The following MAD1L1 variants were observed in gnomAD, a reference collection of about 807,000 sequenced individuals.
MAD1L1 encodes the protein mitotic arrest deficient 1 like 1.
A neutral mutation model predicts 96.9 loss-of-function variants in MAD1L1; 95 were observed. The ratio of observed to expected loss-of-function variants is 0.98; its 90% CI spans 0.83 to 1.16. MAD1L1 has a LOEUF of 1.16. Among genes scored for constraint, MAD1L1 ranks in the 50% most tolerant of loss-of-function variants. The pLI is 0.00. For missense variants in MAD1L1, 1,007 were observed against 954.4 expected, an observed-to-expected ratio of 1.06 and a Z score of -0.73; for synonymous variants, 473 against 396.6, an observed-to-expected ratio of 1.19 and a Z score of -2.29.
At chr7:1,921,083 G>A (rs1788763160) in intron 17 of MAD1L1, among the ~76,000 whole-genome samples, 1 of 152,156 alleles carries the variant, frequency 6.6e-6, no homozygotes, top group Admixed American at 6.5e-5. Context: ...CTGCCCAGCA[G>A]ATGGCAGCCC....
In MAD1L1 at chr7:1,907,294, G is replaced by A. The variant is rs375273745; in HGVS notation, c.1808-8904C>T. On this transcript the variant is annotated intron_variant, in intron 17 of 18. Coordinates refer to ENST00000265854, the MANE Select transcript of MAD1L1 (RefSeq NM_001013836.2). ...GTCTGGGCCCTGCACAGCTGCCACC[G>A]AGGACCCCAAGCCCCAGACTCTGCA... 4.9e-4 allele frequency among the ~76,000 whole-genome samples: 75 copies of A among 152,290 alleles called. 1 individual carries two copies. In the East Asian group the frequency reaches 8.3e-3, roughly 17 times the overall value.
At chr7:2,098,715 C>T (rs748353968) in intron 11 of MAD1L1, among the ~76,000 whole-genome samples, 13 of 152,178 alleles carry the variant, frequency 8.5e-5, no homozygotes, top group Admixed American at 1.3e-4. Flanking sequence ...AGGGAGCGCA[C>T]TACCACACCC....
At chr7:2,126,220 C>G (rs1443605558) in intron 11 of MAD1L1, among the ~76,000 whole-genome samples, 1 of 152,242 alleles carries the variant, frequency 6.6e-6, no homozygotes, top group African/African-American at 2.4e-5. Flanking sequence ...AGAGCAGACA[C>G]AGGCAAGGCT....
At chr7:1,854,301 C>A in intron 18 of MAD1L1, 1 of 443,148 alleles carries the variant, frequency 2.3e-6, no homozygotes, top group Admixed American at 2.5e-5. Context: ...CCAGCCCCAG[C>A]AGCGAGCGGA....
chr7:1,952,042 T>C (rs898601128), intron 16 of MAD1L1, among the ~76,000 whole-genome samples: 1 of 152,210 alleles, frequency 6.6e-6, no homozygotes, highest in African/African-American at 2.4e-5. Flanking sequence ...GTGACATTTC[T>C]TCTAGAATCT....
At chr7:1,924,066 G>A (rs967222939) in intron 17 of MAD1L1, among the ~76,000 whole-genome samples, 14 of 152,226 alleles carry the variant, frequency 9.2e-5, no homozygotes, top group Non-Finnish European at 1.9e-4. Context: ...AAAGAACCGG[G>A]AAAACAGAAA....
intron 18 of MAD1L1, among the ~76,000 whole-genome samples, chr7:1,818,047 C>T (rs1781919419): frequency 6.6e-6 from 1 of 152,102 alleles, no homozygotes; most frequent in African/African-American, 2.4e-5. Context: ...TCAACACAAA[C>T]CATTTTTAAA....
chr7:1,844,106 G>A (rs1783445605), intron 18 of MAD1L1: 1 of 154,490 alleles, frequency 6.5e-6, no homozygotes, highest in Non-Finnish European at 1.5e-5. Context: ...AACTCCAGGT[G>A]TGTCCTGGCT....
chr7:1,848,027 G>A (rs1783737141), intron 18 of MAD1L1: 1 of 339,536 alleles, frequency 2.9e-6, no homozygotes, highest in African/African-American at 2.2e-5. Context: ...TGACAGAGAA[G>A]CGGCTGGGAG....
At chr7:2,225,348 C>G in intron 4 of MAD1L1, 62 bp downstream of exon 4, 1 of 1,589,214 alleles carries the variant, frequency 6.3e-7, no homozygotes, top group Non-Finnish European at 8.6e-7. Context: ...TGGCAGGTAC[C>G]GTGCACAGCC....
chr7:2,175,460 CT>C (rs1426242807), intron 10 of MAD1L1: 1 of 126,970 alleles, frequency 7.9e-6, no homozygotes, highest in African/African-American at 3.0e-5. Context: ...AATGCTATGA[CT>C]TTACTTTCTC....
intron 10 of MAD1L1, among the ~76,000 whole-genome samples, chr7:2,161,292 G>C (rs933835880): frequency 6.6e-6 from 1 of 151,792 alleles, no homozygotes; most frequent in Non-Finnish European, 1.5e-5. Context: ...TTTTTTGGTG[G>C]AGACGGGGTT....
chr7:2,210,320 G>T (rs112702513), intron 10 of MAD1L1, among the ~76,000 whole-genome samples: 6,867 of 152,150 alleles, frequency 0.045, 224 homozygotes, highest in South Asian at 0.071. Flanking sequence ...ATCCCCCTGC[G>T]GCAGCCTCCC....
At chr7:2,045,766 A>G (rs1445834155) in intron 12 of MAD1L1, among the ~76,000 whole-genome samples, 1 of 152,126 alleles carries the variant, frequency 6.6e-6, no homozygotes, top group Non-Finnish European at 1.5e-5. Flanking sequence ...CATGGGAGCC[A>G]ATTTCTCACC....
In MAD1L1 at chr7:1,957,833, T is replaced by C; in HGVS notation, c.1506-114A>G. The C allele has an allele frequency of 8.6e-6, 7 of 814,304 alleles. 1 individual carries two copies. Among genetic ancestry groups the C allele is most frequent in the Non-Finnish European group, 1.4e-5 (7 of 490,032 alleles). 50.4% of individuals were successfully genotyped at this position (814,304 alleles called of 1,614,324 possible). ...TAGGAGACCCAGCTATACAGCTTTA[T>C]TTCTAAATACATATCTGTGAAGCTC... On this transcript the variant is annotated intron_variant, in intron 15 of 18. Transcript: ENST00000265854.
intron 15 of MAD1L1, among the ~76,000 whole-genome samples, chr7:1,966,576 AC>A (rs138145258): frequency 0.59 from 40,706 of 68,666 alleles, 10,441 homozygotes; most frequent in South Asian, 0.68. Context: ...AAAAAAAAAA[AC>A]AAAAAAAATC....
At chr7:2,169,561 C>G (rs559012660) in intron 10 of MAD1L1, among the ~76,000 whole-genome samples, 67 of 152,376 alleles carry the variant, frequency 4.4e-4, no homozygotes, top group African/African-American at 1.6e-3. Context: ...TGAGCGGTGG[C>G]CAGTGTGTCT....
At chr7:2,185,077 C>G (rs1167542202) in intron 10 of MAD1L1, among the ~76,000 whole-genome samples, 3 of 152,084 alleles carry the variant, frequency 2.0e-5, no homozygotes, top group Admixed American at 2.0e-4. Context: ...ACCTCAAAAG[C>G]ACTCTGTTGT....
intron 11 of MAD1L1, among the ~76,000 whole-genome samples, chr7:2,082,736 A>G (rs550878905): frequency 6.6e-6 from 1 of 152,358 alleles, no homozygotes; most frequent in East Asian, 1.9e-4. Flanking sequence ...CCGATAGCCC[A>G]ATTAGCAGCT....
Sources: allele counts gnomAD v4.1 joint callset (sites outside exome capture counted in the v4.1 genomes callset), GRCh38; gene constraint gnomAD v4.1.1; transcripts MANE v1.5; gene names NCBI Gene and HGNC (gene_info 2026-07-23, HGNC 2026-07-21).